Variants in LEPR observed in about 807,000 individuals in gnomAD.
LEPR encodes leptin receptor, also known as OB receptor.
LEPR carries 56 observed loss-of-function variants against 114.7 expected under a neutral mutation model. The observed-to-expected ratio is 0.49, with a 90% CI of 0.39 to 0.61. The LOEUF (loss-of-function observed/expected upper bound fraction) is 0.61. Ranked by LOEUF, LEPR falls within the 20% of genes least tolerant of loss-of-function variation. The pLI is 0.00. For synonymous variants in LEPR, 443 were observed against 461.4 expected (o/e 0.96, Z 0.51); for missense variants, 1,202 against 1,352.9 (o/e 0.89, Z 1.75).
At chr1:65,429,020 A>T (rs1203656697) in intron 2 of LEPR, among the ~76,000 whole-genome samples, 5 of 152,164 alleles carry the variant, frequency 3.3e-5, no homozygotes, top group African/African-American at 1.2e-4. Context: ...TCATTTAACA[A>T]GTATAAATGG....
intron 2 of LEPR, chr1:65,430,157 CGTGT>C: frequency 1.0e-6 from 1 of 989,262 alleles, no homozygotes; most frequent in Non-Finnish European, 1.4e-6. Context: ...TACTCAAGGC[CGTGT>C]GTTTTTAGTT....
At chr1:65,628,513 T>C (rs1241556349) in intron 19 of LEPR, among the ~76,000 whole-genome samples, 1 of 152,208 alleles carries the variant, frequency 6.6e-6, no homozygotes, top group Admixed American at 6.5e-5. Context: ...CCATGACCAA[T>C]GAAGAGTAAT....
chr1:65,478,437 C>A (rs1159840180), intron 2 of LEPR, among the ~76,000 whole-genome samples: 1 of 152,174 alleles, frequency 6.6e-6, no homozygotes, highest in Non-Finnish European at 1.5e-5. Flanking sequence ...TTTTAGAGCT[C>A]ATTTTCCCAA....
intron 2 of LEPR, among the ~76,000 whole-genome samples, chr1:65,487,892 T>C (rs1647577922): frequency 6.6e-6 from 1 of 151,216 alleles, no homozygotes; most frequent in Non-Finnish European, 1.5e-5. Context: ...TTTCTTTCTT[T>C]CCTTTTCTTT....
At chr1:65,488,155 C>CCTTCCTTCCTTT (rs1647608890) in intron 2 of LEPR, among the ~76,000 whole-genome samples, 1 of 83,752 alleles carries the variant, frequency 1.2e-5, no homozygotes, top group African/African-American at 8.1e-5. Context: ...TTCCTTCCTT[C>CCTTCCTTCCTTT]CTTCCTTTCT....
intron 5 of LEPR, chr1:65,576,980 C>T: frequency 3.2e-6 from 1 of 313,302 alleles, no homozygotes; most frequent in Non-Finnish European, 6.3e-6. Flanking sequence ...TTATCGGTGA[C>T]TTTGTTGGTG....
intron 3 of LEPR, among the ~76,000 whole-genome samples, chr1:65,569,023 G>T (rs1653967219): frequency 6.6e-6 from 1 of 151,934 alleles, no homozygotes; most frequent in Middle Eastern, 3.4e-3. Context: ...GGGATTATTT[G>T]TTTTTTTCTT....
intron 2 of LEPR, among the ~76,000 whole-genome samples, chr1:65,453,852 T>A (rs964778044): frequency 2.0e-5 from 3 of 151,776 alleles, no homozygotes; most frequent in African/African-American, 7.3e-5. Context: ...ACTTTCTGTC[T>A]CGTTGATCTG....
intron 2 of LEPR, among the ~76,000 whole-genome samples, chr1:65,448,140 G>T (rs1476413870): frequency 6.6e-6 from 1 of 152,180 alleles, no homozygotes; most frequent in Admixed American, 6.5e-5. Context: ...CATTAAGTAT[G>T]ATGTTAGCTG....
At chr1:65,546,598 G>C (rs1651748352) in intron 2 of LEPR, among the ~76,000 whole-genome samples, 1 of 152,042 alleles carries the variant, frequency 6.6e-6, no homozygotes, top group Non-Finnish European at 1.5e-5. Flanking sequence ...CTCATGATTT[G>C]GCTCTCTGTT....
chr1:65,604,273 C>G (rs894077769), intron 10 of LEPR, among the ~76,000 whole-genome samples: 2 of 152,046 alleles, frequency 1.3e-5, no homozygotes, highest in African/African-American at 4.8e-5. Context: ...TAAAAAATGC[C>G]TTTCTAATAA....
chr1:65,532,398 A>G (rs1336524525), intron 2 of LEPR, among the ~76,000 whole-genome samples: 1 of 152,192 alleles, frequency 6.6e-6, no homozygotes, highest in Non-Finnish European at 1.5e-5. Flanking sequence ...TCCATCTGAA[A>G]GTGACATGAA....
intron 2 of LEPR, among the ~76,000 whole-genome samples, chr1:65,545,078 T>G (rs1651575379): frequency 6.6e-6 from 1 of 150,682 alleles, no homozygotes; most frequent in South Asian, 2.1e-4. Flanking sequence ...GTTCTTGCGA[T>G]AGTTTACTGA....
At chr1:65,597,249 A>G (rs1315131973) in intron 7 of LEPR, among the ~76,000 whole-genome samples, 1 of 151,754 alleles carries the variant, frequency 6.6e-6, no homozygotes, top group East Asian at 1.9e-4. Context: ...TAGCCCACAT[A>G]CCCCGACCCA....
chr1:65,523,534 C>T (rs933906086), intron 2 of LEPR, among the ~76,000 whole-genome samples: 10 of 152,154 alleles, frequency 6.6e-5, no homozygotes, highest in Non-Finnish European at 1.3e-4. Context: ...TGGTCTTGAA[C>T]TCCTGGGCTC....
Position 65,619,912 on chromosome 1 carries a change from G to C in LEPR, c.2396-16G>C. 4 of 1,589,984 alleles carry C rather than the reference G, an allele frequency of 2.5e-6. No homozygotes were observed. Among genetic ancestry groups the C allele is most frequent in the Middle Eastern group, 3.4e-4 (2 of 5,966 alleles). On this transcript the variant is annotated splice_polypyrimidine_tract_variant and intron_variant, in intron 16 of 19. Coordinates refer to ENST00000349533, the MANE Select transcript of LEPR (RefSeq NM_002303.6). ...AATTTTGTATAAATGAGCCTTTTACGTATTTTTCTCCTCAGATCATTTTAT... is the reference window on the plus strand; with the variant it reads ...AATTTTGTATAAATGAGCCTTTTACCTATTTTTCTCCTCAGATCATTTTAT...
At chr1:65,587,565 G>C (rs1655394365) in intron 5 of LEPR, among the ~76,000 whole-genome samples, 1 of 151,944 alleles carries the variant, frequency 6.6e-6, no homozygotes, top group Non-Finnish European at 1.5e-5. Context: ...AGGAACCTGA[G>C]GCTCACAAAT....
intron 2 of LEPR, among the ~76,000 whole-genome samples, chr1:65,446,585 T>C (rs1197676332): frequency 6.6e-6 from 1 of 152,228 alleles, no homozygotes; most frequent in Non-Finnish European, 1.5e-5. Context: ...CAGTAAAATG[T>C]CTATAGAAAT....
At chr1:65,589,655 C>A (rs1188675711) in intron 5 of LEPR, among the ~76,000 whole-genome samples, 2 of 151,860 alleles carry the variant, frequency 1.3e-5, no homozygotes, top group Non-Finnish European at 2.9e-5. Context: ...TCCATTGTTC[C>A]AGCACAATTT....
Sources: allele counts gnomAD v4.1 joint callset (sites outside exome capture counted in the v4.1 genomes callset), GRCh38; gene constraint gnomAD v4.1.1; transcripts MANE v1.5; gene names NCBI Gene and HGNC (gene_info 2026-07-23, HGNC 2026-07-21).